Variants in EPHA3 observed in about 807,000 individuals in gnomAD.
The protein encoded by EPHA3 is ephrin type-A receptor 3.
EPHA3 carries 42 observed loss-of-function variants against 107.1 expected under a neutral mutation model. The observed-to-expected ratio is 0.39, with a 90% confidence interval of 0.31 to 0.51. The LOEUF is 0.51. Ranked by LOEUF, EPHA3 falls within the 20% of genes least tolerant of loss-of-function variation. The probability of loss-of-function intolerance (pLI) is 0.78; values close to 1 mark genes in which losing one functional copy is unlikely to be tolerated. For missense variants in EPHA3, 1,183 were observed against 1,211.2 expected, an observed-to-expected ratio of 0.98 and a Z score of 0.35; for synonymous variants, 461 against 424.8, an observed-to-expected ratio of 1.09 and a Z score of -1.05.
chr3:89,330,358 C>G (rs1309593723), intron 3 of EPHA3, among the ~76,000 whole-genome samples: 1 of 151,944 alleles, frequency 6.6e-6, no homozygotes, highest in Non-Finnish European at 1.5e-5. Context: ...TAAACTTCTC[C>G]TAGTTGGTAA....
intron 3 of EPHA3, among the ~76,000 whole-genome samples, chr3:89,294,238 G>A (rs553111426): frequency 8.0e-4 from 121 of 152,134 alleles, no homozygotes; most frequent in African/African-American, 2.9e-3. Flanking sequence ...CAAAGTACGA[G>A]TCTTAGTTCA....
At chr3:89,311,691 G>C (rs555816613) in intron 3 of EPHA3, among the ~76,000 whole-genome samples, 2 of 152,156 alleles carry the variant, frequency 1.3e-5, no homozygotes, top group South Asian at 2.1e-4. Context: ...CTGGCTTAGT[G>C]AATAGGGATT....
chr3:89,372,089 A>T (rs372918900), intron 5 of EPHA3, among the ~76,000 whole-genome samples: 6 of 151,712 alleles, frequency 4.0e-5, no homozygotes, highest in African/African-American at 9.7e-5. Flanking sequence ...TGCATAACTG[A>T]TCATCAATCT....
intron 5 of EPHA3, among the ~76,000 whole-genome samples, chr3:89,345,968 A>G (rs1348434848): frequency 6.8e-6 from 1 of 147,878 alleles, no homozygotes; most frequent in East Asian, 1.9e-4. Context: ...ATGGCTGCAT[A>G]GATATTCCAT....
rs151048310 is a variant in EPHA3, at chr3:89,423,155, A to G, written c.2074+3765A>G. Among the ~76,000 whole-genome samples the G allele has an allele frequency of 1.4e-4, 21 of 151,582 alleles. No individual in the cohort carries two copies. In the East Asian group the frequency reaches 4.1e-3, roughly 29 times the overall value. On this transcript the variant is annotated intron_variant, in intron 11 of 16. Transcript: ENST00000336596. ...GAATTATATTGGATGAGATTAATGT[A>G]TTTTGTCTTGCATTATTTTCAGGAA...
chr3:89,248,252 T>A (rs147399107), intron 3 of EPHA3, among the ~76,000 whole-genome samples: 9 of 152,294 alleles, frequency 5.9e-5, no homozygotes, highest in Admixed American at 1.3e-4. Context: ...GCATGAGACC[T>A]CCACGTTACC....
chr3:89,300,434 A>G (rs549004875), intron 3 of EPHA3, among the ~76,000 whole-genome samples: 1 of 152,096 alleles, frequency 6.6e-6, no homozygotes, highest in Non-Finnish European at 1.5e-5. Flanking sequence ...GAGACATACA[A>G]CACACAGACA....
At chr3:89,324,546 T>G (rs940329302) in intron 3 of EPHA3, among the ~76,000 whole-genome samples, 39 of 152,126 alleles carry the variant, frequency 2.6e-4, no homozygotes, top group African/African-American at 9.4e-4. Context: ...CCAGATTTAT[T>G]TTTTCTACTT....
chr3:89,342,387 T>A (rs1169688455), intron 5 of EPHA3, among the ~76,000 whole-genome samples: 1 of 152,126 alleles, frequency 6.6e-6, no homozygotes, highest in Non-Finnish European at 1.5e-5. Flanking sequence ...GAAACATTTT[T>A]ATATTTCAGA....
At chr3:89,299,295 A>G (rs1706430487) in intron 3 of EPHA3, among the ~76,000 whole-genome samples, 2 of 152,068 alleles carry the variant, frequency 1.3e-5, no homozygotes, top group African/African-American at 4.8e-5. Context: ...TGTAACAAAG[A>G]TGAAAAGAAA....
chr3:89,367,952 C>T (rs1371776517), intron 5 of EPHA3, among the ~76,000 whole-genome samples: 4 of 150,610 alleles, frequency 2.7e-5, no homozygotes, highest in Non-Finnish European at 5.9e-5. Context: ...ACTTCATATG[C>T]ATTTAATCTT....
At chr3:89,218,368 C>T (rs1186946196) in intron 3 of EPHA3, among the ~76,000 whole-genome samples, 1 of 147,910 alleles carries the variant, frequency 6.8e-6, no homozygotes, top group South Asian at 2.2e-4. Flanking sequence ...TCAATTCCCA[C>T]CTATGAGTGA....
At position 89,345,515 on chromosome 3, in the gene EPHA3, C is replaced by G. The variant is rs541956516; in HGVS notation, c.1306+3425C>G. 2.0e-5 allele frequency among the ~76,000 whole-genome samples: 3 copies of G among 151,046 alleles called. No individual in the cohort carries two copies. In the South Asian group the frequency reaches 6.3e-4, roughly 32 times the overall value. ...ATTCCACGTGCTTTATCCGTCCCAC[C>G]CCCATCTCTCTTTCTATGTAAATGT... On this transcript the variant is annotated intron_variant, in intron 5 of 16. Coordinates refer to ENST00000336596, the MANE Select transcript of EPHA3 (RefSeq NM_005233.6).
At chr3:89,318,958 T>C (rs1477052203) in intron 3 of EPHA3, among the ~76,000 whole-genome samples, 2 of 151,938 alleles carry the variant, frequency 1.3e-5, no homozygotes, top group Non-Finnish European at 2.9e-5. Flanking sequence ...ATTGCTCAAA[T>C]CCACATTTCC....
chr3:89,288,445 A>G (rs1300595333), intron 3 of EPHA3, among the ~76,000 whole-genome samples: 2 of 152,164 alleles, frequency 1.3e-5, no homozygotes, highest in African/African-American at 4.8e-5. Flanking sequence ...TACAGAATGT[A>G]CTGTATATCT....
chr3:89,188,584 A>G (rs764721423), intron 2 of EPHA3, among the ~76,000 whole-genome samples: 1 of 152,178 alleles, frequency 6.6e-6, no homozygotes, highest in African/African-American at 2.4e-5. Context: ...CACCATCTAC[A>G]TATTGACCGT....
intron 5 of EPHA3, among the ~76,000 whole-genome samples, chr3:89,392,726 C>G (rs1362673508): frequency 6.6e-6 from 1 of 151,804 alleles, no homozygotes; most frequent in Non-Finnish European, 1.5e-5. Context: ...TACAGAAAAA[C>G]ACTGATTTAA....
At chr3:89,296,996 A>G (rs1706369324) in intron 3 of EPHA3, among the ~76,000 whole-genome samples, 2 of 152,140 alleles carry the variant, frequency 1.3e-5, no homozygotes, top group African/African-American at 4.8e-5. Flanking sequence ...CAGCTTTCTC[A>G]CTTCTCCAAC....
chr3:89,175,053 GAAAA>G (rs1054953529), intron 2 of EPHA3, among the ~76,000 whole-genome samples: 5 of 148,290 alleles, frequency 3.4e-5, no homozygotes, highest in Non-Finnish European at 7.5e-5. Flanking sequence ...GTTTGGTAAA[GAAAA>G]AAAGTGATAG....
Sources: allele counts gnomAD v4.1 joint callset (sites outside exome capture counted in the v4.1 genomes callset), GRCh38; gene constraint gnomAD v4.1.1; transcripts MANE v1.5; gene names NCBI Gene and HGNC (gene_info 2026-07-23, HGNC 2026-07-21).